Variants in NISCH observed in about 807,000 individuals in gnomAD.
NISCH encodes the protein I-1 receptor candidate protein.
In NISCH, 55 loss-of-function variants were observed where a neutral mutation model predicts 138.4. The ratio of observed to expected loss-of-function variants is 0.40; its 90% confidence interval spans 0.32 to 0.50. The LOEUF is 0.50. Among genes scored for constraint, NISCH ranks in the 20% least tolerant of loss-of-function variants. The pLI, the probability that NISCH is intolerant of heterozygous loss-of-function variation, is 0.71. For missense variants in NISCH, 1,643 were observed against 2,005.5 expected (o/e 0.82, Z 3.45); for synonymous variants, 860 against 861.5 (o/e 1.00, Z 0.03).
At chr3:52,474,892 G>A (rs889337818) in intron 7 of NISCH, among the ~76,000 whole-genome samples, 6 of 152,194 alleles carry the variant, frequency 3.9e-5, no homozygotes, top group African/African-American at 1.4e-4. Flanking sequence ...TAGAAGGTGA[G>A]GTTGTGGAAA....
At chr3:52,474,025 T>C (rs1707027647) in intron 7 of NISCH, among the ~76,000 whole-genome samples, 196 bp downstream of exon 7, 1 of 152,242 alleles carries the variant, frequency 6.6e-6, no homozygotes, top group African/African-American at 2.4e-5. Context: ...AGTTCACATC[T>C]GCATAAAAAG....
At chr3:52,477,534 G>C (rs751966486) in intron 8 of NISCH, 40 bp from the exon 9 acceptor site, 32 of 1,569,516 alleles carry the variant, frequency 2.0e-5, no homozygotes, top group Admixed American at 2.0e-4. Flanking sequence ...TTGGGGTCCA[G>C]CCCCCTACAG....
Position 52,487,863 on chromosome 3 carries a change from C to T in NISCH, c.2371C>T (p.Leu791Phe), listed in dbSNP as rs541002293. 8.7e-6 allele frequency: 14 copies of T among 1,612,984 alleles called. No individual in the cohort carries two copies. The African/African-American group carries it at 1.6e-4, about 18-fold the overall frequency. ...VLKVRHSENT[L>F]FIISDAANLH... ...CAAGGTACGGCACAGTGAGAACACG[C>T]TCTTCATTATCTCGGACGCCGCCAA... Residue 791 changes from leucine to phenylalanine, a missense_variant, in exon 16 of 21, where the codon CTC becomes TTC. Coordinates refer to ENST00000345716, the MANE Select transcript of NISCH (RefSeq NM_007184.4). This position sits in a 1 kb window ranked among gnomAD's most constrained non-coding sequence, Gnocchi z 9.1.
At chr3:52,458,515 G>A (rs1301222564) in intron 2 of NISCH, 147 bp from the exon 3 acceptor site, 4 of 588,370 alleles carry the variant, frequency 6.8e-6, no homozygotes, top group Non-Finnish European at 1.2e-5. Flanking sequence ...AATCCCAGGT[G>A]CACTAGTTTG....
intron 2 of NISCH, 74 bp from the exon 3 acceptor site, chr3:52,458,588 A>G: frequency 7.3e-7 from 1 of 1,370,366 alleles, no homozygotes; most frequent in Admixed American, 2.2e-5. Flanking sequence ...GCCTGCCCTC[A>G]AGCTTCTTGC....
In NISCH at chr3:52,487,069, G is replaced by A; in HGVS notation, c.1704-127G>A. 2 of 1,066,270 alleles carry A rather than the reference G, an allele frequency of 1.9e-6. No individual in the cohort carries two copies. Among genetic ancestry groups the A allele is most frequent in the Non-Finnish European group, 1.3e-6 (1 of 747,588 alleles). The allele number at this position is 1,066,270 out of a possible 1,614,324, so 66.1% of individuals were successfully genotyped here. ...TCCTGGGAACTGACTTGGCCATGTG[G>A]GAGGCTTGGGAGACCCATGGGTTGG... is the stretch of plus-strand genomic sequence containing the variant. On this transcript the variant is annotated intron_variant, in intron 15 of 20. Coordinates refer to ENST00000345716, the MANE Select transcript of NISCH (RefSeq NM_007184.4). This position sits in a 1 kb window ranked among gnomAD's most constrained non-coding sequence, Gnocchi z 9.1.
chr3:52,472,209 G>A, intron 5 of NISCH, 94 bp from the exon 6 acceptor site: 1 of 1,223,058 alleles, frequency 8.2e-7, no homozygotes, highest in Non-Finnish European at 1.2e-6. Flanking sequence ...GAAGACAGAA[G>A]TGGTCAAAGT....
intron 13 of NISCH, 51 bp from the exon 14 acceptor site, chr3:52,484,462 T>TGGGGCCC: frequency 4.4e-5 from 35 of 788,666 alleles, no homozygotes; most frequent in Non-Finnish European, 5.3e-5. Flanking sequence ...ACAGCCGCTC[T>TGGGGCCC]CCCCGCCCCA....
intron 13 of NISCH, among the ~76,000 whole-genome samples, chr3:52,483,093 G>T (rs1369502036): frequency 6.6e-6 from 1 of 152,214 alleles, no homozygotes; most frequent in Non-Finnish European, 1.5e-5. Context: ...GAGAGCAGCG[G>T]CCTGGGCAGG....
At chr3:52,483,345 C>T (rs983852059) in intron 13 of NISCH, among the ~76,000 whole-genome samples, 2 of 152,090 alleles carry the variant, frequency 1.3e-5, no homozygotes, top group African/African-American at 4.8e-5. Flanking sequence ...TGGGCTGTGG[C>T]GATGCTGGGC....
chr3:52,488,308 A>G lies in NISCH; in HGVS notation c.2816A>G (p.Asn939Ser), dbSNP rs780043355. The change falls in exon 16 of 21, where the codon AAC (asparagine) becomes AGC (serine). Residue 939 changes from asparagine (N) to serine (S), a missense_variant. Physicochemically the swap from Asn to Ser is conservative, Grantham distance 46. Transcript: ENST00000345716. ...NRGTHNCRNRNSFKLSRVPLS... is the reference protein window; with the variant it reads ...NRGTHNCRNRSSFKLSRVPLS... ...GGCACCCACAACTGTCGCAACCGCA[A>G]CAGCTTCAAGCTCAGCCGTGTGCCG... 13 of 1,611,752 alleles carry G rather than the reference A, an allele frequency of 8.1e-6. No individual in the cohort carries two copies. Among genetic ancestry groups the G allele is most frequent in the Non-Finnish European group, 1.1e-5 (13 of 1,179,996 alleles).
Position 52,488,591 on chromosome 3 carries a change from C to T in NISCH, c.3099C>T (p.Ala1033=), listed in dbSNP as rs536057924. 60 of 1,610,258 alleles carry T rather than the reference C, an allele frequency of 3.7e-5. No homozygotes were observed. Among genetic ancestry groups the T allele is most frequent in the South Asian group, 2.8e-4 (25 of 90,850 alleles). ...GCTCCTTTGCGGATGGCCAGCCTGC[C>T]GAGCGCAGGGCCAGGTGAGATCAAG... ...PQGSFADGQP[A]ERRASNDQRP... is the part of the protein sequence containing the mutation. Residue 1033 remains alanine (A), a synonymous_variant, in exon 16 of 21, where the codon GCC becomes GCT. Coordinates refer to ENST00000345716, the MANE Select transcript of NISCH (RefSeq NM_007184.4).
intron 13 of NISCH, among the ~76,000 whole-genome samples, chr3:52,483,015 G>T (rs1022612394): frequency 3.9e-5 from 6 of 152,222 alleles, no homozygotes; most frequent in Non-Finnish European, 5.9e-5. Context: ...TGCAGTGGAG[G>T]TGGTGTCTGA....
In NISCH at chr3:52,476,585, A is replaced by T. The variant is rs1707103162; in HGVS notation, c.904A>T (p.Ile302Phe). Residue 302 changes from isoleucine (I) to phenylalanine (F), a missense_variant, in exon 8 of 21, where the codon ATC becomes TTC. By Grantham distance (21) the Ile-to-Phe change is conservative. Coordinates refer to ENST00000345716, the MANE Select transcript of NISCH (RefSeq NM_007184.4). ...LDLSHNSVSEIDESVKLIPKI... is the reference protein window; with the variant it reads ...LDLSHNSVSEFDESVKLIPKI... ...CCTGAGCCACAACAGCGTCTCCGAGATCGACGAGTCTGTGGTATGCTCTCA... is the reference window on the plus strand; with the variant it reads ...CCTGAGCCACAACAGCGTCTCCGAGTTCGACGAGTCTGTGGTATGCTCTCA... 6.2e-7 allele frequency: 1 copy of T among 1,614,134 alleles called. No homozygotes were observed. Among genetic ancestry groups the T allele is most frequent in the Non-Finnish European group, 8.5e-7 (1 of 1,180,018 alleles).
chr3:52,483,774 G>T (rs1301210784), intron 13 of NISCH, among the ~76,000 whole-genome samples: 1 of 152,234 alleles, frequency 6.6e-6, no homozygotes, highest in Non-Finnish European at 1.5e-5. Context: ...ATCAGGGGAC[G>T]GGGTCATGTC....
intron 7 of NISCH, chr3:52,475,980 A>T (rs1472973297): frequency 6.3e-6 from 1 of 158,782 alleles, no homozygotes; most frequent in African/African-American, 2.4e-5. Flanking sequence ...TCTATTAAAA[A>T]TGCAAAAATT....
chr3:52,486,402 C>T (rs1402092417), intron 15 of NISCH: 3 of 152,106 alleles, frequency 2.0e-5, no homozygotes, highest in African/African-American at 7.3e-5. Flanking sequence ...AGGCATGAGC[C>T]ACCGCGCCTG....
intron 3 of NISCH, 63 bp downstream of exon 3, chr3:52,458,907 C>A: frequency 6.9e-7 from 1 of 1,456,376 alleles, no homozygotes; most frequent in Non-Finnish European, 9.3e-7. Flanking sequence ...CTTGAGGCAG[C>A]AAACCAGGGG....
At chr3:52,463,306 G>A (rs1223322645) in intron 3 of NISCH, among the ~76,000 whole-genome samples, 3 of 152,200 alleles carry the variant, frequency 2.0e-5, no homozygotes, top group Non-Finnish European at 4.4e-5. Context: ...TTATGACGGA[G>A]TAATAGTGTA....
Sources: gnomAD v4.1 joint callset for allele counts (sites outside exome capture counted in the v4.1 genomes callset) on GRCh38, gnomAD v4.1.1 for gene constraint, Gnocchi (gnomAD v3.1) non-coding constraint, MANE v1.5 for transcripts, NCBI Gene and HGNC (gene_info 2026-07-23, HGNC 2026-07-21) for gene names.